The following LINGO2 variants were observed in gnomAD, a reference collection of about 807,000 sequenced individuals.
LINGO2 encodes leucine-rich repeat and immunoglobulin-like domain-containing nogo receptor-interacting protein 2.
LINGO2 carries 14 observed loss-of-function variants against 30.6 expected under a neutral mutation model. The observed-to-expected ratio is 0.46, with a 90% confidence interval of 0.30 to 0.72. The LOEUF (loss-of-function observed/expected upper bound fraction) is 0.72. Among genes scored for constraint, LINGO2 ranks in the 30% least tolerant of loss-of-function variants. The pLI, the probability that LINGO2 is intolerant of heterozygous loss-of-function variation, is 0.07. For synonymous variants in LINGO2, 317 were observed against 288.5 expected (o/e 1.10, Z -1.00); for missense variants, 729 against 751.7 (o/e 0.97, Z 0.35).
chr9:28,874,581 G>A, the LINGO2 span, among the ~76,000 whole-genome samples: 1 of 151,998 alleles, frequency 6.6e-6, no homozygotes, highest in African/African-American at 2.4e-5. Flanking sequence ...CTAGGGCACA[G>A]TGAGATTAAG....
At chr9:28,848,069 AAT>A in the LINGO2 span, among the ~76,000 whole-genome samples, 5 of 43,490 alleles carry the variant, frequency 1.1e-4, 1 homozygote, top group East Asian at 2.1e-3. Flanking sequence ...ATATGTATAT[AAT>A]ATATATATAC....
chr9:28,135,631 G>A (rs1028928662), intron 4 of LINGO2, among the ~76,000 whole-genome samples: 10 of 151,938 alleles, frequency 6.6e-5, no homozygotes, highest in Admixed American at 2.0e-4. Context: ...GGTCTGTTCT[G>A]TATTACTCCC....
chr9:29,019,105 A>G, the LINGO2 span, among the ~76,000 whole-genome samples: 790 of 152,256 alleles, frequency 5.2e-3, 6 homozygotes, highest in African/African-American at 0.018. Flanking sequence ...CAGACTTTCT[A>G]TTTTAAAAAT....
the LINGO2 span, among the ~76,000 whole-genome samples, chr9:28,936,030 C>T: frequency 1.3e-5 from 2 of 152,088 alleles, no homozygotes; most frequent in East Asian, 3.9e-4. Flanking sequence ...AAGCAAGGAA[C>T]TCAACATTAG....
intron 4 of LINGO2, among the ~76,000 whole-genome samples, chr9:28,207,679 A>T (rs1024957629): frequency 1.3e-5 from 2 of 152,160 alleles, no homozygotes; most frequent in African/African-American, 4.8e-5. Flanking sequence ...TTTGAAGTTT[A>T]TGTATATGTC....
the LINGO2 span, among the ~76,000 whole-genome samples, chr9:28,744,640 A>ATTTT: frequency 3.5e-5 from 4 of 113,856 alleles, no homozygotes; most frequent in African/African-American, 7.0e-5. Flanking sequence ...GTGTGTGTGT[A>ATTTT]TTTTTTTTTT....
the LINGO2 span, among the ~76,000 whole-genome samples, chr9:28,974,874 T>A: frequency 1.3e-5 from 2 of 152,040 alleles, no homozygotes; most frequent in Non-Finnish European, 2.9e-5. Context: ...TCCATTGTCA[T>A]GAAGATAGTG....
At chr9:28,704,370 T>C in the LINGO2 span, among the ~76,000 whole-genome samples, 6 of 150,872 alleles carry the variant, frequency 4.0e-5, no homozygotes, top group African/African-American at 1.2e-4. Context: ...TAATATGATA[T>C]GTTCAGGTGT....
At chr9:28,801,614 A>G in the LINGO2 span, among the ~76,000 whole-genome samples, 1 of 152,096 alleles carries the variant, frequency 6.6e-6, no homozygotes, top group Non-Finnish European at 1.5e-5. Context: ...CTCACTGTGT[A>G]ATCTCCAGTC....
chr9:29,180,639 T>G, the LINGO2 span, among the ~76,000 whole-genome samples: 1 of 152,154 alleles, frequency 6.6e-6, no homozygotes, highest in African/African-American at 2.4e-5. Flanking sequence ...TCAAAGCTTT[T>G]AAACCGTGTT....
chr9:28,320,199 G>C (rs1824989087), intron 3 of LINGO2, among the ~76,000 whole-genome samples: 1 of 152,050 alleles, frequency 6.6e-6, no homozygotes, highest in African/African-American at 2.4e-5. Flanking sequence ...TCATTTCCAA[G>C]AAGAAGCAGC....
intron 4 of LINGO2, among the ~76,000 whole-genome samples, chr9:28,291,491 T>C (rs948158056): frequency 6.6e-6 from 1 of 152,164 alleles, no homozygotes; most frequent in Non-Finnish European, 1.5e-5. Context: ...GCTCTGCCCG[T>C]ATGGAAGTTA....
the LINGO2 span, among the ~76,000 whole-genome samples, chr9:29,089,008 A>G: frequency 6.6e-6 from 1 of 152,120 alleles, no homozygotes; most frequent in Non-Finnish European, 1.5e-5. Flanking sequence ...AAACAGATCC[A>G]GGGCTTAGAC....
At chr9:28,766,054 G>T in the LINGO2 span, among the ~76,000 whole-genome samples, 1 of 151,842 alleles carries the variant, frequency 6.6e-6, no homozygotes, top group Admixed American at 6.6e-5. Context: ...TTCAAATATC[G>T]CATAAAAAGC....
At chr9:28,881,814 C>A in the LINGO2 span, among the ~76,000 whole-genome samples, 1 of 152,304 alleles carries the variant, frequency 6.6e-6, no homozygotes, top group Middle Eastern at 3.4e-3. Context: ...CAGTCCCTGC[C>A]CTCTGCCAGG....
At chr9:28,586,499 A>G (rs972005487) in intron 1 of LINGO2, among the ~76,000 whole-genome samples, 2 of 152,064 alleles carry the variant, frequency 1.3e-5, no homozygotes, top group African/African-American at 4.8e-5. Context: ...ATAATATTGA[A>G]TAATGTTTAG....
the LINGO2 span, among the ~76,000 whole-genome samples, chr9:28,940,108 T>C: frequency 2.0e-5 from 3 of 152,276 alleles, no homozygotes; most frequent in Admixed American, 2.0e-4. Flanking sequence ...GTCATCCTCT[T>C]ATTACTGATT....
At chr9:28,013,981 G>T (rs1419565209) in intron 4 of LINGO2, among the ~76,000 whole-genome samples, 1 of 152,152 alleles carries the variant, frequency 6.6e-6, no homozygotes, top group Non-Finnish European at 1.5e-5. Context: ...CTAAGGTGAA[G>T]AAGTACATGC....
In LINGO2 at chr9:28,036,674, A is replaced by G. The variant is rs889094094; in HGVS notation, c.-86-24269T>C. Among the ~76,000 whole-genome samples, 8 of 152,366 alleles carry G rather than the reference A, an allele frequency of 5.3e-5. No homozygotes were observed. In the East Asian group the frequency reaches 9.6e-4, roughly 18 times the overall value. ...GGTGCAACCTAACCTGAGTTGACTC[A>G]TAAGTCCATGATTCAATGGAGGACA... On this transcript the variant is annotated intron_variant, in intron 4 of 5. Coordinates refer to ENST00000379992, the Ensembl canonical transcript of LINGO2.
Sources: allele counts gnomAD v4.1 joint callset (sites outside exome capture counted in the v4.1 genomes callset), GRCh38; gene constraint gnomAD v4.1.1; transcripts MANE v1.5; gene names NCBI Gene and HGNC (gene_info 2026-07-23, HGNC 2026-07-21).